Variants in BMERB1 observed in about 807,000 individuals in gnomAD.
BMERB1 encodes bMERB domain containing 1.
Under a neutral mutation model 23.6 loss-of-function variants are expected in BMERB1, and 12 were observed. That is an observed-to-expected ratio of 0.51 (90% CI 0.33 to 0.82). The LOEUF (loss-of-function observed/expected upper bound fraction) is 0.82. Among genes scored for constraint, BMERB1 ranks in the 40% least tolerant of loss-of-function variants. The pLI, the probability that BMERB1 is intolerant of heterozygous loss-of-function variation, is 0.03. For missense variants in BMERB1, 247 were observed against 255.4 expected (o/e 0.97, Z 0.22); for synonymous variants, 122 against 96.6 (o/e 1.26, Z -1.54).
intron 1 of BMERB1, among the ~76,000 whole-genome samples, chr16:15,500,419 G>A (rs974406864): frequency 6.6e-6 from 1 of 152,180 alleles, no homozygotes; most frequent in African/African-American, 2.4e-5. Context: ...AGGCTGCCAG[G>A]GGCTGGAGGT....
At chr16:15,520,019 TA>T (rs2051830278) in intron 2 of BMERB1, among the ~76,000 whole-genome samples, 1 of 152,128 alleles carries the variant, frequency 6.6e-6, no homozygotes, top group Non-Finnish European at 1.5e-5. Flanking sequence ...CGGGCACTGA[TA>T]TGCCACCCTG....
intron 1 of BMERB1, among the ~76,000 whole-genome samples, chr16:15,504,778 T>TAA (rs5815836): frequency 1.3e-5 from 2 of 148,724 alleles, no homozygotes; most frequent in African/African-American, 2.5e-5. Context: ...ATAAAAGTAT[T>TAA]AAAAAAAAAA....
rs1391017691 is a variant in BMERB1, at chr16:15,489,873, A to G, written c.107-25432A>G. ...TTCAGCGATCCATTCCAGATCCAAT[A>G]TCTTTTTTTTTGAGATGGAGTCTTG... On this transcript the variant is annotated intron_variant, in intron 1 of 5. Transcript: ENST00000300006. Among the ~76,000 whole-genome samples, 5 of 151,778 alleles carry G rather than the reference A, an allele frequency of 3.3e-5. No homozygotes were observed. In the South Asian group the frequency reaches 6.2e-4, roughly 19 times the overall value.
chr16:15,564,871 T>G (rs2030521504), intron 2 of BMERB1, among the ~76,000 whole-genome samples: 1 of 152,174 alleles, frequency 6.6e-6, no homozygotes, highest in South Asian at 2.1e-4. Context: ...ACCTGCATGT[T>G]TTTTCTTTAC....
At chr16:15,479,256 A>C (rs892750023) in intron 1 of BMERB1, among the ~76,000 whole-genome samples, 7 of 152,212 alleles carry the variant, frequency 4.6e-5, no homozygotes, top group African/African-American at 1.7e-4. Context: ...CGTAATGTTA[A>C]TGAATGTGAT....
At chr16:15,547,212 A>G (rs1223707873) in intron 2 of BMERB1, among the ~76,000 whole-genome samples, 3 of 151,356 alleles carry the variant, frequency 2.0e-5, no homozygotes, top group Admixed American at 6.6e-5. Flanking sequence ...TGATTTCACT[A>G]TGTTGGCCAG....
In BMERB1 at chr16:15,587,761, T is replaced by C. The variant is rs748447728; in HGVS notation, c.*932T>C. On this transcript the variant is annotated 3_prime_UTR_variant, in exon 6 of 6. Coordinates refer to ENST00000300006, the MANE Select transcript of BMERB1 (RefSeq NM_033201.3). ...CGTGTGACCAGATTGTGTCCCGTCA[T>C]TGGGTGGCATATGTTAACTAGCTGC... The C allele has an allele frequency of 4.3e-5, 12 of 276,918 alleles. No homozygotes were observed. The highest frequency in any genetic ancestry group is 2.8e-3 in the Middle Eastern group (2 of 702). 17.2% of individuals were successfully genotyped at this position (276,918 alleles called of 1,614,324 possible).
intron 1 of BMERB1, among the ~76,000 whole-genome samples, chr16:15,458,702 G>A (rs1406626823): frequency 1.4e-5 from 2 of 147,748 alleles, no homozygotes; most frequent in South Asian, 2.1e-4. Flanking sequence ...GGGCAACAAA[G>A]TGAGACCGTG....
intron 1 of BMERB1, among the ~76,000 whole-genome samples, chr16:15,485,653 T>G (rs543808197): frequency 6.6e-6 from 1 of 151,872 alleles, no homozygotes; most frequent in Non-Finnish European, 1.5e-5. Flanking sequence ...AACTACTATT[T>G]CCATCTGTGT....
intron 2 of BMERB1, among the ~76,000 whole-genome samples, chr16:15,543,342 C>T (rs145575480): frequency 4.8e-4 from 73 of 152,112 alleles, no homozygotes; most frequent in African/African-American, 1.7e-3. Context: ...TGGTCCAGAG[C>T]GGTTTTGGAA....
At chr16:15,479,834 A>G (rs1433309260) in intron 1 of BMERB1, among the ~76,000 whole-genome samples, 1 of 151,676 alleles carries the variant, frequency 6.6e-6, no homozygotes, top group Non-Finnish European at 1.5e-5. Context: ...TAATCCCAGC[A>G]TTTTGGGAGG....
Position 15,583,363 on chromosome 16 carries a change from AG to A in BMERB1, c.502+127del, listed in dbSNP as rs1272211851. On this transcript the variant is annotated intron_variant, in intron 5 of 5. Transcript: ENST00000300006. ...GAGGCCAAGGTGGGTGGATCACCTG[AG>A]GTCAGGAGTTCGAGACCAGCCTGGT... 4 of 758,512 alleles carry A rather than the reference AG, an allele frequency of 5.3e-6. No homozygotes were observed. In the African/African-American group the frequency reaches 6.9e-5, roughly 13 times the overall value. 47.0% of individuals were successfully genotyped at this position (758,512 alleles called of 1,614,324 possible).
At chr16:15,476,099 A>T (rs1465705838) in intron 1 of BMERB1, among the ~76,000 whole-genome samples, 6 of 149,140 alleles carry the variant, frequency 4.0e-5, no homozygotes. Context: ...CTGAGAGATG[A>T]CCTCCCAGGA....
intron 1 of BMERB1, among the ~76,000 whole-genome samples, chr16:15,483,957 A>T (rs2051346507): frequency 6.6e-6 from 1 of 152,236 alleles, no homozygotes; most frequent in South Asian, 2.1e-4. Flanking sequence ...TATACAAGAA[A>T]CATGGTGCCA....
At chr16:15,549,491 C>T (rs1259688092) in intron 2 of BMERB1, among the ~76,000 whole-genome samples, 1 of 152,046 alleles carries the variant, frequency 6.6e-6, no homozygotes, top group East Asian at 1.9e-4. Context: ...CCATCCTGGC[C>T]AACGTGGTGA....
intron 1 of BMERB1, among the ~76,000 whole-genome samples, chr16:15,441,691 G>T (rs6498551): frequency 0.99 from 150,396 of 152,168 alleles, 74,351 homozygotes; most frequent in Middle Eastern, 1. Flanking sequence ...CTGTTAGTTT[G>T]TGAATTTTTG....
intron 1 of BMERB1, among the ~76,000 whole-genome samples, chr16:15,453,665 A>T (rs1265168101): frequency 1.3e-5 from 2 of 152,110 alleles, no homozygotes; most frequent in African/African-American, 4.8e-5. Context: ...TGAGGTCAGG[A>T]GTTCGAGACC....
rs141635382 is a variant in BMERB1, at chr16:15,536,002, A to G, written c.230+20574A>G. Among the ~76,000 whole-genome samples the G allele has an allele frequency of 3.6e-3, 543 of 152,212 alleles. 8 individuals carry two copies. The highest frequency in any genetic ancestry group is 0.012 in the African/African-American group (512 of 41,538). On this transcript the variant is annotated intron_variant, in intron 2 of 5. Coordinates refer to ENST00000300006, the MANE Select transcript of BMERB1 (RefSeq NM_033201.3). ...TGGAGGAAACTGCCGCCATGATCCA[A>G]TCACTTCCCTCCCTCGACACGTGGG...
chr16:15,587,479 G>A lies in BMERB1; in HGVS notation c.*650G>A, dbSNP rs886939719. On this transcript the variant is annotated 3_prime_UTR_variant, in exon 6 of 6. Coordinates refer to ENST00000300006, the MANE Select transcript of BMERB1 (RefSeq NM_033201.3). ...TGGGCACAGTTCACATCAGGACAGCGTCCATTGTGCTCTCAGTCTGCCTCA... is the reference window on the plus strand; with the variant it reads ...TGGGCACAGTTCACATCAGGACAGCATCCATTGTGCTCTCAGTCTGCCTCA... The A allele has an allele frequency of 1.9e-5, 8 of 420,146 alleles. No homozygotes were observed. The Middle Eastern group carries it at 1.4e-3, about 73-fold the overall frequency. 26.0% of individuals were successfully genotyped at this position (420,146 alleles called of 1,614,324 possible).
Sources: allele counts gnomAD v4.1 joint callset (sites outside exome capture counted in the v4.1 genomes callset), GRCh38; gene constraint gnomAD v4.1.1; transcripts MANE v1.5; gene names NCBI Gene and HGNC (gene_info 2026-07-23, HGNC 2026-07-21).